The following GPC3 variants were observed in gnomAD, a reference collection of about 807,000 sequenced individuals.
GPC3 encodes glypican-3.
A neutral mutation model predicts 34.4 loss-of-function variants in GPC3; 3 were observed. The ratio of observed to expected loss-of-function variants is 0.09; its 90% CI spans 0.04 to 0.23. The LOEUF is 0.23. GPC3 is among the 10% of genes least tolerant of loss of function. The probability of loss-of-function intolerance (pLI) is 1.00; values close to 1 mark genes in which losing one functional copy is unlikely to be tolerated. For missense variants in GPC3, 351 were observed against 445.6 expected (o/e 0.79, Z 1.91); for synonymous variants, 177 against 174.0 (o/e 1.02, Z -0.13).
chrX:133,921,801 G>A (rs1358915840), intron 2 of GPC3, among the ~76,000 whole-genome samples: 1 of 112,047 alleles, frequency 8.9e-6, no homozygotes, highest in Non-Finnish European at 1.9e-5. Flanking sequence ...ACCCTGATAT[G>A]TTGCACTGTA....
At chrX:133,842,663 A>T (rs1468498545) in intron 2 of GPC3, among the ~76,000 whole-genome samples, 1 of 110,848 alleles carries the variant, frequency 9.0e-6, no homozygotes, top group Non-Finnish European at 1.9e-5. Flanking sequence ...CCAGCCCAGA[A>T]ATTACACTAG....
At chrX:133,654,499 G>C (rs954787202) in intron 6 of GPC3, among the ~76,000 whole-genome samples, 7 of 111,262 alleles carry the variant, frequency 6.3e-5, no homozygotes, top group Non-Finnish European at 1.3e-4. Context: ...ATCACCTGAG[G>C]TTAGGAGTTC....
intron 2 of GPC3, among the ~76,000 whole-genome samples, chrX:133,885,986 C>T (rs1023023092): frequency 3.6e-5 from 4 of 111,522 alleles, no homozygotes; most frequent in African/African-American, 9.8e-5. Flanking sequence ...CCATTTTCCC[C>T]TTTAAATTCC....
At chrX:133,829,546 G>T (rs929040159) in intron 2 of GPC3, among the ~76,000 whole-genome samples, 3 of 111,278 alleles carry the variant, frequency 2.7e-5, no homozygotes, top group African/African-American at 6.5e-5. Flanking sequence ...CATTCTCCAT[G>T]GCAGACCAAA....
intron 2 of GPC3, among the ~76,000 whole-genome samples, chrX:133,931,073 T>A (rs775959400): frequency 5.2e-4 from 58 of 112,108 alleles, no homozygotes; most frequent in Non-Finnish European, 8.3e-4. Flanking sequence ...GTTCAAGTCA[T>A]GGCAAGGTAC....
intron 2 of GPC3, among the ~76,000 whole-genome samples, chrX:133,841,715 A>T (rs776396444): frequency 1.5e-4 from 17 of 111,931 alleles, no homozygotes; most frequent in Non-Finnish European, 3.0e-4. Context: ...TATTAATCTT[A>T]GGTGTGTCTG....
rs180896022 is a variant in GPC3 at position 133,670,747 on chromosome X, G to T, written c.1293-8897C>A. Among the ~76,000 whole-genome samples, 399 of 111,804 alleles carry T rather than the reference G, an allele frequency of 3.6e-3. 2 individuals carry two copies. Among genetic ancestry groups the T allele is most frequent in the Non-Finnish European group, 4.2e-3 (222 of 53,168 alleles). Reference sequence around the variant, plus strand: ...TAAAGACAAACCAGAAAACAGGGTAGAAAAACCATCCTATTAAGAGGCCTA... The same window carrying T: ...TAAAGACAAACCAGAAAACAGGGTATAAAAACCATCCTATTAAGAGGCCTA... On this transcript the variant is annotated intron_variant, in intron 5 of 7. Transcript: ENST00000370818.
intron 2 of GPC3, among the ~76,000 whole-genome samples, chrX:133,901,625 G>A (rs1198128343): frequency 9.1e-6 from 1 of 110,072 alleles, no homozygotes; most frequent in Non-Finnish European, 1.9e-5. Context: ...ATTTTTAGTA[G>A]AGATGGGGTT....
intron 2 of GPC3, among the ~76,000 whole-genome samples, chrX:133,812,493 G>A (rs2075670603): frequency 8.9e-6 from 1 of 111,737 alleles, no homozygotes; most frequent in African/African-American, 3.3e-5. Flanking sequence ...GGAATAAGGA[G>A]ACCTCAGTCC....
intron 3 of GPC3, among the ~76,000 whole-genome samples, chrX:133,708,758 ACC>A (rs2071239091): frequency 8.9e-6 from 1 of 112,226 alleles, no homozygotes; most frequent in Admixed American, 9.5e-5. Context: ...AAATCATATG[ACC>A]TGTTGGATTT....
At chrX:133,763,789 C>A in intron 2 of GPC3, 1 of 429,853 alleles carries the variant, frequency 2.3e-6, no homozygotes, top group East Asian at 4.0e-5. Context: ...GGTGAGGATG[C>A]AGAGAAAAGG....
At chrX:133,642,498 G>A (rs963811531) in intron 6 of GPC3, among the ~76,000 whole-genome samples, 2 of 111,215 alleles carry the variant, frequency 1.8e-5, no homozygotes, top group African/African-American at 6.5e-5. Flanking sequence ...CAGGCCAGGC[G>A]CAGTGGCTCA....
intron 2 of GPC3, among the ~76,000 whole-genome samples, chrX:133,866,593 G>T (rs2075968368): frequency 8.9e-6 from 1 of 112,120 alleles, no homozygotes; most frequent in South Asian, 3.7e-4. Context: ...ACAGTAACAT[G>T]TTAACTCATT....
intron 2 of GPC3, among the ~76,000 whole-genome samples, chrX:133,899,657 A>G (rs1214557765): frequency 9.0e-6 from 1 of 111,428 alleles, no homozygotes; most frequent in Non-Finnish European, 1.9e-5. Flanking sequence ...AGAAGTCTAC[A>G]GCTCAAGGAA....
At chrX:133,793,434 A>G (rs2072188350) in intron 2 of GPC3, among the ~76,000 whole-genome samples, 1 of 111,991 alleles carries the variant, frequency 8.9e-6, no homozygotes. Context: ...TGATGTATGC[A>G]TTTAAGTTTG....
chrX:133,698,397 C>A (rs2071135903), intron 4 of GPC3, among the ~76,000 whole-genome samples: 1 of 112,349 alleles, frequency 8.9e-6, no homozygotes, highest in Admixed American at 9.4e-5. Flanking sequence ...AGTATCAAAT[C>A]GCCTTGAAAT....
chrX:133,742,762 G>A (rs2071574976), intron 3 of GPC3, among the ~76,000 whole-genome samples: 1 of 111,625 alleles, frequency 9.0e-6, no homozygotes, highest in Non-Finnish European at 1.9e-5. Flanking sequence ...CCTACATTTA[G>A]GAACAAAATT....
intron 3 of GPC3, among the ~76,000 whole-genome samples, chrX:133,706,072 T>C (rs977213314): frequency 1.8e-5 from 2 of 111,943 alleles, no homozygotes; most frequent in African/African-American, 3.3e-5. Context: ...AAAATTCTGA[T>C]GTCTAACCAT....
chrX:133,862,712 T>C (rs767674876), intron 2 of GPC3, among the ~76,000 whole-genome samples: 2 of 110,049 alleles, frequency 1.8e-5, no homozygotes, highest in South Asian at 7.8e-4. Flanking sequence ...ATAATAATAA[T>C]AATAATACTG....
Sources: allele counts gnomAD v4.1 joint callset (sites outside exome capture counted in the v4.1 genomes callset), GRCh38; gene constraint gnomAD v4.1.1; transcripts MANE v1.5; gene names NCBI Gene and HGNC (gene_info 2026-07-23, HGNC 2026-07-21).